The following NR2F1-AS1 variants were observed in gnomAD, a reference collection of about 807,000 sequenced individuals.
NR2F1-AS1 encodes NR2F1 antisense RNA 1.
At chr5:93,564,679 A>T (rs1752575816) in intron 1 of NR2F1-AS1, among the ~76,000 whole-genome samples, 1 of 152,186 alleles carries the variant, frequency 6.6e-6, no homozygotes, top group South Asian at 2.1e-4. Flanking sequence ...TAAAAAAGGA[A>T]AAGTAATTTA....
chr5:93,565,925 T>C (rs1472951126), intron 1 of NR2F1-AS1, among the ~76,000 whole-genome samples: 2 of 151,712 alleles, frequency 1.3e-5, no homozygotes, highest in African/African-American at 2.4e-5. Flanking sequence ...TTATTACTAA[T>C]AGCATGATAA....
In NR2F1-AS1 at chr5:93,440,193, GTCTCTCTCTCTC is replaced by G. The variant is rs374272400; in HGVS notation, n.639-44663_639-44652del. Among the ~76,000 whole-genome samples, 24 of 143,956 alleles carry G rather than the reference GTCTCTCTCTCTC, an allele frequency of 1.7e-4. 1 individual carries two copies. The highest frequency in any genetic ancestry group is 1.4e-3 in the Admixed American group (20 of 14,356). The allele number at this position is 143,956 out of a possible 152,430, so 94.4% of individuals were successfully genotyped here. A position where few individuals can be genotyped will look rare whatever the true frequency, so the allele number is the denominator to read the frequency against. ...TTTCTCTCGCTCGCTCTCTCTCTCT[GTCTCTCTCTCTC>G]TCTCTCTCTCTCTCACACACACACA... On this transcript the variant is annotated intron_variant and non_coding_transcript_variant, in intron 4 of 5. Coordinates refer to ENST00000660523, the Ensembl canonical transcript of NR2F1-AS1.
At chr5:93,531,004 A>G (rs1751725185) in intron 4 of NR2F1-AS1, among the ~76,000 whole-genome samples, 1 of 152,156 alleles carries the variant, frequency 6.6e-6, no homozygotes, top group Admixed American at 6.6e-5. Flanking sequence ...TAGATGTATT[A>G]TTTTAAGAGC....
intron 4 of NR2F1-AS1, among the ~76,000 whole-genome samples, chr5:93,477,094 T>TA (rs1750500765): frequency 6.6e-6 from 1 of 152,200 alleles, no homozygotes; most frequent in African/African-American, 2.4e-5. Flanking sequence ...CTTTGCATTG[T>TA]ATATATAACA....
chr5:93,490,895 TGTGGTA>T (rs1236975215), intron 4 of NR2F1-AS1, among the ~76,000 whole-genome samples: 1 of 120,490 alleles, frequency 8.3e-6, no homozygotes, highest in Admixed American at 8.3e-5. Flanking sequence ...TCATTGTGGT[TGTGGTA>T]GTGGTGGTGG....
intron 4 of NR2F1-AS1, among the ~76,000 whole-genome samples, chr5:93,518,004 C>G (rs1751431544): frequency 6.6e-6 from 1 of 152,006 alleles, no homozygotes; most frequent in African/African-American, 2.4e-5. Context: ...ATATGTTGCC[C>G]AAGCTGGCCT....
chr5:93,547,810 C>T (rs75142141), intron 4 of NR2F1-AS1, among the ~76,000 whole-genome samples: 2,198 of 152,162 alleles, frequency 0.014, 63 homozygotes, highest in African/African-American at 0.05. Context: ...TGTTAACATA[C>T]AAAACTAGAA....
intron 4 of NR2F1-AS1, among the ~76,000 whole-genome samples, chr5:93,537,977 A>G (rs548256403): frequency 6.6e-6 from 1 of 152,230 alleles, no homozygotes; most frequent in Non-Finnish European, 1.5e-5. Flanking sequence ...TGTGCATGGT[A>G]GGTGAATTGG....
intron 4 of NR2F1-AS1, among the ~76,000 whole-genome samples, chr5:93,475,742 T>G (rs1416152381): frequency 6.6e-6 from 1 of 152,230 alleles, no homozygotes; most frequent in Non-Finnish European, 1.5e-5. Context: ...CCCCTTTCAG[T>G]ATCACTTAAT....
chr5:93,543,863 T>C (rs1490659906), intron 4 of NR2F1-AS1: 3 of 152,228 alleles, frequency 2.0e-5, no homozygotes, highest in Non-Finnish European at 4.4e-5. Flanking sequence ...TTGCTTAAAA[T>C]GTCTTCCAAT....
At position 93,547,857 on chromosome 5, in the gene NR2F1-AS1, T is replaced by C. The variant is rs972445459; in HGVS notation, n.638+5904A>G. Among the ~76,000 whole-genome samples the C allele has an allele frequency of 1.2e-4, 19 of 152,312 alleles. 1 individual carries two copies. The highest frequency in any genetic ancestry group is 3.6e-4 in the African/African-American group (15 of 41,586). ...ATGTAATGTTGGTGATATGATGATA[T>C]TGGTGTCAATGATATTGACAAATAC... On this transcript the variant is annotated intron_variant and non_coding_transcript_variant, in intron 4 of 5. Transcript: ENST00000660523.
chr5:93,474,059 T>A (rs1335545319), intron 4 of NR2F1-AS1, among the ~76,000 whole-genome samples: 2 of 152,060 alleles, frequency 1.3e-5, no homozygotes, highest in African/African-American at 4.8e-5. Context: ...AGAACATAAT[T>A]ATAAATAAAG....
At chr5:93,550,990 T>A (rs1421989683) in intron 4 of NR2F1-AS1, among the ~76,000 whole-genome samples, 1 of 152,066 alleles carries the variant, frequency 6.6e-6, no homozygotes, top group Non-Finnish European at 1.5e-5. Flanking sequence ...GTATTCTTAT[T>A]TCGTTATGTG....
chr5:93,429,054 G>C (rs545600877), intron 4 of NR2F1-AS1, among the ~76,000 whole-genome samples: 1 of 152,114 alleles, frequency 6.6e-6, no homozygotes, highest in African/African-American at 2.4e-5. Flanking sequence ...TTTTATCACT[G>C]ATTTGTTCTT....
At chr5:93,568,413 C>T (rs1359416581) in intron 1 of NR2F1-AS1, among the ~76,000 whole-genome samples, 1 of 152,108 alleles carries the variant, frequency 6.6e-6, no homozygotes, top group African/African-American at 2.4e-5. Context: ...GTAATGCATT[C>T]TAAGTAGAAG....
chr5:93,468,398 C>T (rs1169029805), intron 4 of NR2F1-AS1, among the ~76,000 whole-genome samples: 3 of 152,160 alleles, frequency 2.0e-5, no homozygotes, highest in Non-Finnish European at 2.9e-5. Context: ...CTCTGATGAC[C>T]AGTGATCATG....
intron 4 of NR2F1-AS1, among the ~76,000 whole-genome samples, chr5:93,416,402 T>C (rs913115529): frequency 1.6e-4 from 25 of 152,212 alleles, no homozygotes; most frequent in African/African-American, 5.5e-4. Flanking sequence ...TCTATAATTT[T>C]TACCTACTTA....
chr5:93,484,599 C>A (rs1750676495), intron 4 of NR2F1-AS1, among the ~76,000 whole-genome samples: 1 of 152,000 alleles, frequency 6.6e-6, no homozygotes, highest in South Asian at 2.1e-4. Flanking sequence ...TCACACAGAA[C>A]AATATTAACC....
chr5:93,540,410 G>A (rs1215335833), intron 4 of NR2F1-AS1, among the ~76,000 whole-genome samples: 1 of 152,064 alleles, frequency 6.6e-6, no homozygotes, highest in African/African-American at 2.4e-5. Flanking sequence ...TATTTCAAGG[G>A]CTGTAGCTCA....
Sources: gnomAD v4.1 joint callset for allele counts (sites outside exome capture counted in the v4.1 genomes callset) on GRCh38, gnomAD v4.1.1 for gene constraint, MANE v1.5 for transcripts, NCBI Gene and HGNC (gene_info 2026-07-23, HGNC 2026-07-21) for gene names.